Variants in UBL3 observed in about 807,000 individuals in gnomAD.
UBL3 encodes the protein ubiquitin-like protein 3.
In UBL3, 6 loss-of-function variants were observed where a neutral mutation model predicts 18.4. That is an observed-to-expected ratio of 0.33 (90% confidence interval 0.18 to 0.64). The LOEUF (loss-of-function observed/expected upper bound fraction) is 0.64, where lower values mean the gene tolerates loss of function less well. UBL3 is among the 30% of genes least tolerant of loss of function. UBL3 has a pLI of 0.76. For synonymous variants in UBL3, 49 were observed against 46.6 expected (o/e 1.05, Z -0.21); for missense variants, 109 against 142.9 (o/e 0.76, Z 1.21).
intron 1 of UBL3, among the ~76,000 whole-genome samples, chr13:29,818,500 T>C (rs1191218883): frequency 8.5e-5 from 13 of 152,240 alleles, no homozygotes; most frequent in Non-Finnish European, 1.6e-4. Flanking sequence ...AAACTAATAA[T>C]TTCTCAAATT....
At chr13:29,839,859 G>A (rs1309626503) in intron 1 of UBL3, among the ~76,000 whole-genome samples, 4 of 151,356 alleles carry the variant, frequency 2.6e-5, no homozygotes, top group Non-Finnish European at 4.4e-5. Context: ...CCCGGGAGGC[G>A]GAGCTTGCAG....
intron 1 of UBL3, among the ~76,000 whole-genome samples, chr13:29,795,003 GC>G (rs1877572214): frequency 6.6e-6 from 1 of 152,184 alleles, no homozygotes; most frequent in Non-Finnish European, 1.5e-5. Context: ...ACAAATTGTA[GC>G]CAAAACATTC....
At chr13:29,801,001 C>G (rs1413558132) in intron 1 of UBL3, among the ~76,000 whole-genome samples, 1 of 152,154 alleles carries the variant, frequency 6.6e-6, no homozygotes. Flanking sequence ...TGCCTCTCAA[C>G]CTGGACCCCC....
chr13:29,840,408 G>A (rs1879067575), intron 1 of UBL3, among the ~76,000 whole-genome samples: 1 of 152,154 alleles, frequency 6.6e-6, no homozygotes, highest in Admixed American at 6.5e-5. Context: ...AACATTTGTG[G>A]ATGGAATAAA....
intron 1 of UBL3, among the ~76,000 whole-genome samples, chr13:29,824,325 A>G (rs2139352234): frequency 6.6e-6 from 1 of 152,328 alleles, no homozygotes; most frequent in East Asian, 1.9e-4. Flanking sequence ...AGTCCCACCA[A>G]CACTGTAAAA....
chr13:29,812,357 A>G (rs1878112754), intron 1 of UBL3, among the ~76,000 whole-genome samples: 1 of 152,034 alleles, frequency 6.6e-6, no homozygotes. Context: ...TATCACTTTA[A>G]GTATATGCAG....
rs532887800 is a variant in UBL3, at chr13:29,765,678, C to A, written c.*1577G>T. On this transcript the variant is annotated 3_prime_UTR_variant, in exon 5 of 5. Coordinates refer to ENST00000380680, the MANE Select transcript of UBL3 (RefSeq NM_007106.4). The stretch of plus-strand genomic sequence containing the variant: ...GTAAGTACAGGTTGCAGAAAGAAAA[C>A]GTTTAGTGCTATTTACATTCATTTT... The A allele has an allele frequency of 6.6e-6, 1 of 152,288 alleles. No individual in the cohort carries two copies. Among genetic ancestry groups the A allele is most frequent in the African/African-American group, 2.4e-5 (1 of 41,368 alleles). The allele number at this position is 152,288 out of a possible 1,614,324, so 9.4% of individuals were successfully genotyped here.
At chr13:29,811,403 T>C (rs931599503) in intron 1 of UBL3, among the ~76,000 whole-genome samples, 1 of 152,112 alleles carries the variant, frequency 6.6e-6, no homozygotes, top group African/African-American at 2.4e-5. Context: ...TTAACACAGT[T>C]AAGAGGACAT....
At chr13:29,777,930 C>A (rs1275906538) in intron 1 of UBL3, among the ~76,000 whole-genome samples, 1 of 152,088 alleles carries the variant, frequency 6.6e-6, no homozygotes, top group African/African-American at 2.4e-5. Context: ...CCACGCCCAG[C>A]TAATTTTTGT....
Position 29,767,197 on chromosome 13 carries a change from T to C in UBL3, c.*58A>G. On this transcript the variant is annotated 3_prime_UTR_variant, in exon 5 of 5. Transcript: ENST00000380680. ...GTTTCTGAAGCAATGTCGGGTCTTT[T>C]CTGTCCCAGCAGCATGAAAGACAAA... 6.3e-7 allele frequency: 1 copy of C among 1,596,468 alleles called. No homozygotes were observed. Among genetic ancestry groups the C allele is most frequent in the East Asian group, 2.2e-5 (1 of 44,620 alleles).
At chr13:29,849,273 A>T (rs932648031) in intron 1 of UBL3, among the ~76,000 whole-genome samples, 1 of 152,132 alleles carries the variant, frequency 6.6e-6, no homozygotes, top group Non-Finnish European at 1.5e-5. Flanking sequence ...ACCATGATAC[A>T]TTTCCCTACT....
rs191656472 is a variant in UBL3 at position 29,833,966 on chromosome 13, T to C, written c.27+15546A>G. Among the ~76,000 whole-genome samples, 952 of 152,156 alleles carry C rather than the reference T, an allele frequency of 6.3e-3. 9 individuals carry two copies. Among genetic ancestry groups the C allele is most frequent in the Non-Finnish European group, 0.011 (720 of 67,978 alleles). ...ACTTTGGGAGGCCGCAGCGGGCAGA[T>C]CACGAGGTCAAGAGTTCGAGACCAG... On this transcript the variant is annotated intron_variant, in intron 1 of 4. Transcript: ENST00000380680.
At chr13:29,795,875 C>T (rs1463458500) in intron 1 of UBL3, among the ~76,000 whole-genome samples, 8 of 150,686 alleles carry the variant, frequency 5.3e-5, no homozygotes, top group Admixed American at 2.0e-4. Flanking sequence ...GAGGCTACAA[C>T]GAGCTATGAC....
intron 1 of UBL3, among the ~76,000 whole-genome samples, chr13:29,829,964 G>A (rs550921543): frequency 2.0e-5 from 3 of 152,208 alleles, no homozygotes; most frequent in African/African-American, 4.8e-5. Context: ...TTTTCAAACA[G>A]AGCGAAAGTG....
intron 1 of UBL3, among the ~76,000 whole-genome samples, chr13:29,825,893 T>C (rs563582064): frequency 5.3e-5 from 8 of 152,340 alleles, no homozygotes; most frequent in South Asian, 4.1e-4. Flanking sequence ...TTATTGAGAA[T>C]GTTTAGCATG....
chr13:29,819,004 C>T (rs939604345), intron 1 of UBL3, among the ~76,000 whole-genome samples: 2 of 152,026 alleles, frequency 1.3e-5, no homozygotes, highest in African/African-American at 4.8e-5. Context: ...CTATATATTA[C>T]ATATCTGGGA....
intron 1 of UBL3, among the ~76,000 whole-genome samples, chr13:29,837,581 G>C (rs1418649341): frequency 6.6e-6 from 1 of 152,098 alleles, no homozygotes; most frequent in Non-Finnish European, 1.5e-5. Flanking sequence ...AAGAATATTA[G>C]CTAATTCCCG....
intron 2 of UBL3, among the ~76,000 whole-genome samples, chr13:29,773,977 T>C (rs539850357): frequency 2.6e-5 from 4 of 152,314 alleles, no homozygotes; most frequent in African/African-American, 9.6e-5. Context: ...TGCTGATCTT[T>C]AGTACATTAT....
intron 1 of UBL3, among the ~76,000 whole-genome samples, chr13:29,789,041 A>G (rs941834541): frequency 3.9e-5 from 6 of 152,056 alleles, no homozygotes; most frequent in Non-Finnish European, 8.8e-5. Context: ...CTGGGATTAC[A>G]GGCATGCACC....
Sources: gnomAD v4.1 joint callset for allele counts (sites outside exome capture counted in the v4.1 genomes callset) on GRCh38, gnomAD v4.1.1 for gene constraint, MANE v1.5 for transcripts, NCBI Gene and HGNC (gene_info 2026-07-23, HGNC 2026-07-21) for gene names.